Variants in ABCB5 observed in about 807,000 individuals in gnomAD.
ABCB5 encodes ATP binding cassette subfamily B member 5.
ABCB5 carries 155 observed loss-of-function variants against 144.2 expected under a neutral mutation model. The observed-to-expected ratio is 1.08, with a 90% confidence interval of 0.94 to 1.23. ABCB5 has a LOEUF of 1.23. ABCB5 is among the 50% of genes most tolerant of loss of function. ABCB5 has a pLI of 0.00. For synonymous variants in ABCB5, 610 were observed against 528.6 expected, an observed-to-expected ratio of 1.15 and a Z score of -2.11; for missense variants, 1,830 against 1,520.8, an observed-to-expected ratio of 1.20 and a Z score of -3.38.
At chr7:20,668,854 G>T (rs1785337849) in intron 14 of ABCB5, among the ~76,000 whole-genome samples, 1 of 131,964 alleles carries the variant, frequency 7.6e-6, no homozygotes, top group African/African-American at 3.1e-5. Flanking sequence ...GAGGTGGGGG[G>T]GTCAGCCCCC....
chr7:20,647,679 T>C (rs532026330), intron 10 of ABCB5, 31 bp downstream of exon 10: 5 of 1,542,408 alleles, frequency 3.2e-6, no homozygotes, highest in African/African-American at 2.8e-5. Flanking sequence ...GAAGAATAAC[T>C]ATCATTACTG....
At chr7:20,619,685 A>G (rs979273932) in intron 1 of ABCB5, among the ~76,000 whole-genome samples, 1 of 152,188 alleles carries the variant, frequency 6.6e-6, no homozygotes, top group East Asian at 1.9e-4. Flanking sequence ...TAGTTTACTT[A>G]GGTCCCATCT....
At chr7:20,643,758 C>A in intron 7 of ABCB5, 126 bp downstream of exon 7, 1 of 984,250 alleles carries the variant, frequency 1.0e-6, no homozygotes, top group Non-Finnish European at 1.5e-6. Context: ...GGATATTATA[C>A]ACCACAAATA....
chr7:20,656,405 G>C (rs953661968), intron 13 of ABCB5, among the ~76,000 whole-genome samples: 3 of 152,102 alleles, frequency 2.0e-5, no homozygotes, highest in African/African-American at 4.8e-5. Context: ...ATAAAGAACT[G>C]CTATAGCTTG....
At chr7:20,707,603 T>G (rs547826888) in intron 20 of ABCB5, among the ~76,000 whole-genome samples, 1 of 152,322 alleles carries the variant, frequency 6.6e-6, no homozygotes, top group African/African-American at 2.4e-5. Context: ...CACAAGAAAG[T>G]GTGTTATTGA....
intron 5 of ABCB5, among the ~76,000 whole-genome samples, chr7:20,636,972 G>A (rs773767303): frequency 2.6e-5 from 4 of 151,978 alleles, no homozygotes; most frequent in East Asian, 1.9e-4. Flanking sequence ...CCGATACATA[G>A]GATACATACA....
intron 20 of ABCB5, among the ~76,000 whole-genome samples, chr7:20,719,992 G>T (rs890699623): frequency 6.6e-6 from 1 of 151,680 alleles, no homozygotes; most frequent in Non-Finnish European, 1.5e-5. Flanking sequence ...TCTGACCACT[G>T]AATTCTAGTA....
At chr7:20,617,342 G>A (rs1274077053) in intron 1 of ABCB5, among the ~76,000 whole-genome samples, 2 of 152,174 alleles carry the variant, frequency 1.3e-5, no homozygotes, top group Non-Finnish European at 1.5e-5. Flanking sequence ...GCAAGGCCTA[G>A]GTAGGTGTCT....
chr7:20,630,804 G>C (rs1293065510), intron 4 of ABCB5, among the ~76,000 whole-genome samples: 1 of 151,986 alleles, frequency 6.6e-6, no homozygotes, highest in African/African-American at 2.4e-5. Context: ...ACCTGTTTTG[G>C]ATAGGCTAGG....
intron 20 of ABCB5, among the ~76,000 whole-genome samples, chr7:20,712,018 C>A (rs900160646): frequency 2.1e-5 from 3 of 143,626 alleles, no homozygotes; most frequent in African/African-American, 7.8e-5. Flanking sequence ...GGCGGGTGGA[C>A]CACGAGGTCA....
Position 20,742,933 on chromosome 7 carries a change from C to T in ABCB5, c.3081C>T (p.Arg1027=). Residue 1027 remains arginine, a synonymous_variant, in exon 25 of 28, where the codon CGC becomes CGT. Transcript: ENST00000404938. ...AAGTCTCTTTCTTCTATCCATGTCG[C>T]CCAGATGTTTTCATCCTCCGTGGCT... The part of the protein sequence containing the change: ...FREVSFFYPC[R]PDVFILRGLS... 1 of 1,614,164 alleles carries T rather than the reference C, an allele frequency of 6.2e-7. No individual in the cohort carries two copies. Among genetic ancestry groups the T allele is most frequent in the Non-Finnish European group, 8.5e-7 (1 of 1,180,030 alleles).
intron 16 of ABCB5, among the ~76,000 whole-genome samples, chr7:20,696,595 A>G (rs1014624656): frequency 9.9e-5 from 15 of 152,138 alleles, no homozygotes; most frequent in Non-Finnish European, 1.8e-4. Context: ...TATGAAAACT[A>G]TAACTCAAGA....
intron 14 of ABCB5, among the ~76,000 whole-genome samples, chr7:20,671,012 A>G (rs906819059): frequency 1.3e-5 from 2 of 150,008 alleles, no homozygotes; most frequent in African/African-American, 2.4e-5. Context: ...ACTTGACAAT[A>G]TCAGAAAATA....
At chr7:20,622,903 A>G (rs1162098475) in intron 1 of ABCB5, among the ~76,000 whole-genome samples, 5 of 152,160 alleles carry the variant, frequency 3.3e-5, no homozygotes, top group African/African-American at 1.2e-4. Flanking sequence ...AGCATGAGAT[A>G]GATTAAAAAT....
intron 14 of ABCB5, among the ~76,000 whole-genome samples, chr7:20,660,829 C>T (rs1784980535): frequency 6.6e-6 from 1 of 152,204 alleles, no homozygotes; most frequent in Non-Finnish European, 1.5e-5. Context: ...TCTATACCCA[C>T]TTCACTCCAC....
At chr7:20,745,211 T>C (rs533215034) in intron 25 of ABCB5, 21 bp from the exon 26 acceptor site, 1 of 1,612,064 alleles carries the variant, frequency 6.2e-7, no homozygotes, top group Admixed American at 1.7e-5. Flanking sequence ...AACACACCAT[T>C]CTCCAATCTG....
chr7:20,700,121 G>T lies in ABCB5; in HGVS notation c.2323G>T (p.Ala775Ser), dbSNP rs1175343159. Residue 775 changes from alanine (A) to serine (S), a missense_variant, in exon 19 of 28, where the codon GCC (alanine) becomes TCC (serine). Coordinates refer to ENST00000404938, the MANE Select transcript of ABCB5 (RefSeq NM_001163941.2). ...GAGATTAAGACACTTGGCCTTCAAA[G>T]CCATGTTATATCAGGTCAGTGATAA... Reference protein sequence around the residue: ...TMRLRHLAFKAMLYQDIAWFD... With the variant: ...TMRLRHLAFKSMLYQDIAWFD... The T allele has an allele frequency of 6.8e-6, 11 of 1,611,980 alleles. No homozygotes were observed. The South Asian group carries it at 9.9e-5, about 15-fold the overall frequency.
At chr7:20,670,168 A>G (rs1785417021) in intron 14 of ABCB5, among the ~76,000 whole-genome samples, 1 of 152,220 alleles carries the variant, frequency 6.6e-6, no homozygotes, top group Admixed American at 6.5e-5. Context: ...TGGGATATTC[A>G]GGGATGGGGA....
At chr7:20,722,243 T>C (rs1163287713) in intron 20 of ABCB5, among the ~76,000 whole-genome samples, 4 of 152,176 alleles carry the variant, frequency 2.6e-5, no homozygotes, top group East Asian at 1.9e-4. Context: ...AAATGAGTTG[T>C]TGTATTATTG....
Sources: gnomAD v4.1 joint callset for allele counts (sites outside exome capture counted in the v4.1 genomes callset) on GRCh38, gnomAD v4.1.1 for gene constraint, MANE v1.5 for transcripts, NCBI Gene and HGNC (gene_info 2026-07-23, HGNC 2026-07-21) for gene names.